CEP128: variants seen among roughly 807,000 people sequenced by gnomAD.
The protein encoded by CEP128 is centrosomal protein 128kDa.
CEP128 carries 132 observed loss-of-function variants against 156.7 expected under a neutral mutation model. The observed-to-expected ratio is 0.84, with a 90% CI of 0.73 to 0.97. The LOEUF (loss-of-function observed/expected upper bound fraction) is 0.97, where lower values mean the gene tolerates loss of function less well. CEP128 is among the 50% of genes least tolerant of loss of function. The pLI, the probability that CEP128 is intolerant of heterozygous loss-of-function variation, is 0.00. For missense variants in CEP128, 1,252 were observed against 1,281.9 expected (o/e 0.98, Z 0.36); for synonymous variants, 469 against 448.9 (o/e 1.04, Z -0.57).
chr14:80,838,352 T>C (rs1886190356), intron 10 of CEP128, 74 bp from the exon 11 acceptor site: 1 of 1,081,078 alleles, frequency 9.3e-7, no homozygotes, highest in Admixed American at 2.1e-5. Flanking sequence ...GGGCACAGTT[T>C]AAAAGGAGAA....
downstream of CEP128, among the ~76,000 whole-genome samples, chr14:80,487,569 A>G (rs1367195008): frequency 3.9e-5 from 6 of 152,194 alleles, no homozygotes; most frequent in Non-Finnish European, 8.8e-5. Context: ...TCAACAGAAT[A>G]TACATTCTTT....
At chr14:80,720,366 T>A (rs1488890590) in intron 19 of CEP128, among the ~76,000 whole-genome samples, 1 of 152,080 alleles carries the variant, frequency 6.6e-6, no homozygotes, top group Non-Finnish European at 1.5e-5. Context: ...ACAAAATGAA[T>A]ACTGCAAGCT....
At chr14:80,942,757 C>T (rs538048601), upstream of CEP128, among the ~76,000 whole-genome samples, 1 of 152,200 alleles carries the variant, frequency 6.6e-6, no homozygotes, top group African/African-American at 2.4e-5. Context: ...TCCTCACTTG[C>T]CCTTCTCCGT....
At chr14:80,870,579 C>T (rs1460238033) in intron 8 of CEP128, among the ~76,000 whole-genome samples, 1 of 151,844 alleles carries the variant, frequency 6.6e-6, no homozygotes, top group Non-Finnish European at 1.5e-5. Context: ...ATAAATTAGA[C>T]ATAGAATGAG....
intron 13 of CEP128, among the ~76,000 whole-genome samples, chr14:80,824,672 AC>A (rs1885372550): frequency 6.6e-6 from 1 of 152,130 alleles, no homozygotes; most frequent in African/African-American, 2.4e-5. Flanking sequence ...ATCTGGGACC[AC>A]CTCACCCTGG....
At chr14:80,706,916 C>A (rs1014484283) in intron 19 of CEP128, among the ~76,000 whole-genome samples, 1 of 152,070 alleles carries the variant, frequency 6.6e-6, no homozygotes, top group African/African-American at 2.4e-5. Context: ...ACTACTCAAC[C>A]CATCCGTGAT....
In CEP128 at chr14:80,874,529, A is replaced by C. The variant is rs144032549; in HGVS notation, c.646-11656T>G. ...TAGTAATGACATCGGATATATAAAA[A>C]AGATTAAAGGAGTTTCACTTCCAGA... is the stretch of plus-strand genomic sequence containing the variant. On this transcript the variant is annotated intron_variant, in intron 8 of 24. Coordinates refer to ENST00000555265, the MANE Select transcript of CEP128 (RefSeq NM_152446.5). Among the ~76,000 whole-genome samples the C allele has an allele frequency of 6.0e-3, 909 of 152,308 alleles. 11 individuals are homozygous for C. The highest frequency in any genetic ancestry group is 0.021 in the African/African-American group (862 of 41,568).
At position 80,678,049 on chromosome 14, in the gene CEP128, A is replaced by AAAATATATAT; in HGVS notation, c.2806+65025_2806+65026insATATATATTT. Among the ~76,000 whole-genome samples, 71 of 98,494 alleles carry AAAATATATAT rather than the reference A, an allele frequency of 7.2e-4. 2 individuals are homozygous for AAAATATATAT. The highest frequency in any genetic ancestry group is 1.7e-3 in the South Asian group (6 of 3,604). The allele number at this position is 98,494 out of a possible 152,430, so 64.6% of individuals were successfully genotyped here. On this transcript the variant is annotated intron_variant, in intron 19 of 24. Transcript: ENST00000555265. ...ATGGACAGTTGCTCTATAAAAAAAAAATATATATATATATGTATATATATA... is the reference window on the plus strand; with the variant it reads ...ATGGACAGTTGCTCTATAAAAAAAAAAAATATATATATATATATATATATGTATATATATA...
At position 80,547,797 on chromosome 14, in the gene CEP128, ATTT is replaced by A. The variant is rs369896159; in HGVS notation, c.2880+11479_2880+11481del. 3.1e-3 allele frequency among the ~76,000 whole-genome samples: 437 copies of A among 141,184 alleles called. 3 individuals carry two copies. The highest frequency in any genetic ancestry group is 0.01 in the African/African-American group (391 of 37,854). The allele number at this position is 141,184 out of a possible 152,430, so 92.6% of individuals were successfully genotyped here. A position where few individuals can be genotyped will look rare whatever the true frequency, so the allele number is the denominator to read the frequency against. ...AGACAAAAGCCTACAAGGGAGAGGA[ATTT>A]TTTTTTTTTTTTTTTGAGACGGAGC... On this transcript the variant is annotated intron_variant, in intron 21 of 24. Coordinates refer to ENST00000555265, the MANE Select transcript of CEP128 (RefSeq NM_152446.5).
At chr14:80,833,516 G>A (rs1318827703) in intron 12 of CEP128, among the ~76,000 whole-genome samples, 1 of 151,866 alleles carries the variant, frequency 6.6e-6, no homozygotes, top group East Asian at 1.9e-4. Context: ...GCTCCATTTT[G>A]GAGAATGCTT....
intron 19 of CEP128, among the ~76,000 whole-genome samples, chr14:80,596,842 A>AAAAAAAAAAAAAAAAAG (rs1555379468): frequency 4.3e-5 from 3 of 69,826 alleles, no homozygotes; most frequent in African/African-American, 1.0e-4. Context: ...AAAAAAAAAA[A>AAAAAAAAAAAAAAAAAG]GGTGGGGGGG....
At chr14:80,612,065 T>TA (rs139644143) in intron 19 of CEP128, among the ~76,000 whole-genome samples, 5,259 of 151,716 alleles carry the variant, frequency 0.035, 308 homozygotes, top group African/African-American at 0.12. Context: ...CTCAAAAAAA[T>TA]AAAAAATAAA....
chr14:80,636,468 A>G (rs985346107), intron 19 of CEP128, among the ~76,000 whole-genome samples: 1 of 151,806 alleles, frequency 6.6e-6, no homozygotes, highest in Non-Finnish European at 1.5e-5. Flanking sequence ...TTTTTCTTCT[A>G]CTATTGTTGC....
intron 19 of CEP128, among the ~76,000 whole-genome samples, chr14:80,586,781 C>G (rs1322753460): frequency 2.6e-5 from 4 of 152,144 alleles, no homozygotes; most frequent in Non-Finnish European, 5.9e-5. Context: ...ATACAGCACA[C>G]AGAAGATTTC....
chr14:80,516,214 A>G (rs1288509622), intron 23 of CEP128, among the ~76,000 whole-genome samples: 1 of 152,096 alleles, frequency 6.6e-6, no homozygotes, highest in African/African-American at 2.4e-5. Flanking sequence ...CCTTCCTTCA[A>G]CAAAGAGGGT....
At chr14:80,882,124 CA>C (rs1337596019) in intron 8 of CEP128, among the ~76,000 whole-genome samples, 1 of 151,774 alleles carries the variant, frequency 6.6e-6, no homozygotes, top group African/African-American at 2.4e-5. Flanking sequence ...GCAAAGGAAA[CA>C]ATCAACAAAA....
chr14:80,786,015 C>T (rs182134970), intron 14 of CEP128, among the ~76,000 whole-genome samples: 21 of 152,112 alleles, frequency 1.4e-4, no homozygotes, highest in Admixed American at 7.2e-4. Context: ...AGATACAATA[C>T]AAGAAAGTTT....
intron 19 of CEP128, among the ~76,000 whole-genome samples, chr14:80,642,089 C>CAA (rs71103870): frequency 1.1e-5 from 1 of 91,486 alleles, no homozygotes; most frequent in Non-Finnish European, 2.0e-5. Flanking sequence ...GACTCCGTTT[C>CAA]AAAAAAAAAA....
chr14:80,754,881 CA>C (rs921991139), intron 18 of CEP128, among the ~76,000 whole-genome samples: 1 of 152,120 alleles, frequency 6.6e-6, no homozygotes, highest in Non-Finnish European at 1.5e-5. Flanking sequence ...GAACTTGTTA[CA>C]AAAACATACC....
Sources: gnomAD v4.1 joint callset for allele counts (sites outside exome capture counted in the v4.1 genomes callset) on GRCh38, gnomAD v4.1.1 for gene constraint, MANE v1.5 for transcripts, NCBI Gene and HGNC (gene_info 2026-07-23, HGNC 2026-07-21) for gene names.